The following PTPRO variants were observed in gnomAD, a reference collection of about 807,000 sequenced individuals.
PTPRO encodes the protein receptor-type tyrosine-protein phosphatase O.
PTPRO carries 62 observed loss-of-function variants against 145.2 expected under a neutral mutation model. The ratio of observed to expected loss-of-function variants is 0.43; its 90% confidence interval spans 0.35 to 0.53. The LOEUF (loss-of-function observed/expected upper bound fraction) is 0.53. Ranked by LOEUF, PTPRO falls within the 20% of genes least tolerant of loss-of-function variation. The pLI is 0.01. For synonymous variants in PTPRO, 565 were observed against 514.7 expected (o/e 1.10, Z -1.32); for missense variants, 1,345 against 1,482.7 (o/e 0.91, Z 1.53).
chr12:15,333,416 G>A (rs552857964), intron 1 of PTPRO, among the ~76,000 whole-genome samples: 2 of 152,336 alleles, frequency 1.3e-5, no homozygotes, highest in Non-Finnish European at 2.9e-5. Context: ...TTTGTCCATT[G>A]TGTTCACTGT....
intron 1 of PTPRO, among the ~76,000 whole-genome samples, chr12:15,456,744 T>G (rs1050738349): frequency 6.6e-6 from 1 of 152,196 alleles, no homozygotes; most frequent in East Asian, 1.9e-4. Context: ...TCCAATGTAC[T>G]GGTATATAAT....
intron 1 of PTPRO, among the ~76,000 whole-genome samples, chr12:15,385,811 C>CAAAAAAAA (rs761750012): frequency 2.2e-4 from 8 of 37,078 alleles, no homozygotes; most frequent in Non-Finnish European, 3.4e-4. Flanking sequence ...GACTCCATCT[C>CAAAAAAAA]AAAAAAAAAA....
At chr12:15,408,068 C>T (rs1939696123) in intron 1 of PTPRO, among the ~76,000 whole-genome samples, 1 of 152,056 alleles carries the variant, frequency 6.6e-6, no homozygotes, top group African/African-American at 2.4e-5. Flanking sequence ...GATTGAGATA[C>T]TATTGTTCTA....
At chr12:15,343,320 T>C (rs1867069708) in intron 1 of PTPRO, among the ~76,000 whole-genome samples, 1 of 152,122 alleles carries the variant, frequency 6.6e-6, no homozygotes, top group Admixed American at 6.6e-5. Flanking sequence ...TTATTGAAAG[T>C]CCTAATTATC....
Position 15,359,422 on chromosome 12 carries a change from C to CTTTTTTTTTT in PTPRO, c.75+36632_75+36641dup, listed in dbSNP as rs771782428. Among the ~76,000 whole-genome samples the CTTTTTTTTTT allele has an allele frequency of 5.3e-5, 6 of 112,512 alleles. 1 individual carries two copies. Among genetic ancestry groups the CTTTTTTTTTT allele is most frequent in the African/African-American group, 1.3e-4 (4 of 29,848 alleles). 73.8% of individuals were successfully genotyped at this position (112,512 alleles called of 152,430 possible). On this transcript the variant is annotated intron_variant, in intron 1 of 26. Coordinates refer to ENST00000281171, the MANE Select transcript of PTPRO (RefSeq NM_030667.3). ...ATTGGTCTACTTTTCTTTCTCTTTC[C>CTTTTTTTTTT]TTTTTTTTTTTTTTTTTTTTGAGAT...
At chr12:15,335,002 G>A (rs1401351422) in intron 1 of PTPRO, among the ~76,000 whole-genome samples, 1 of 152,010 alleles carries the variant, frequency 6.6e-6, no homozygotes, top group East Asian at 1.9e-4. Flanking sequence ...GATAAGCCAG[G>A]AATTTCCAAT....
intron 1 of PTPRO, among the ~76,000 whole-genome samples, chr12:15,480,088 T>TA (rs1941747481): frequency 6.6e-6 from 1 of 152,142 alleles, no homozygotes. Flanking sequence ...TGATTTTTTT[T>TA]AAAAAAGGCC....
intron 5 of PTPRO, 87 bp downstream of exon 5, chr12:15,502,150 G>A (rs1275231987): frequency 9.3e-6 from 12 of 1,285,772 alleles, no homozygotes; most frequent in Non-Finnish European, 1.3e-5. Flanking sequence ...TAGAAAGACT[G>A]ATCATAGACA....
intron 1 of PTPRO, among the ~76,000 whole-genome samples, chr12:15,357,840 G>C (rs1018610206): frequency 1.3e-5 from 2 of 149,042 alleles, no homozygotes; most frequent in Admixed American, 1.3e-4. Context: ...ATTCCTCAGG[G>C]ATCTAGAACT....
intron 1 of PTPRO, among the ~76,000 whole-genome samples, chr12:15,447,776 TA>T (rs1940939449): frequency 6.6e-6 from 1 of 152,028 alleles, no homozygotes; most frequent in Non-Finnish European, 1.5e-5. Flanking sequence ...AAAGGACAAT[TA>T]TAGGTACATT....
At chr12:15,453,367 C>G (rs1941095770) in intron 1 of PTPRO, among the ~76,000 whole-genome samples, 1 of 152,058 alleles carries the variant, frequency 6.6e-6, no homozygotes, top group Non-Finnish European at 1.5e-5. Context: ...GACATACTTC[C>G]TAATTGCCCG....
At chr12:15,553,972 A>C (rs1197042505) in intron 15 of PTPRO, among the ~76,000 whole-genome samples, 2 of 152,224 alleles carry the variant, frequency 1.3e-5, no homozygotes, top group African/African-American at 4.8e-5. Flanking sequence ...AGCCAGGTGG[A>C]TCACCTGAAG....
rs935683036 is a variant in PTPRO at position 15,494,538 on chromosome 12, T to C, written c.350-2707T>C. 2.0e-5 allele frequency among the ~76,000 whole-genome samples: 3 copies of C among 152,216 alleles called. No homozygotes were observed. In the East Asian group the frequency reaches 5.8e-4, roughly 29 times the overall value. ...CTTCTAAAAACAGTAATTCTTGAATTGAATACTCCTCAGTGATGCTTAGAC... is the reference window on the plus strand; with the variant it reads ...CTTCTAAAAACAGTAATTCTTGAATCGAATACTCCTCAGTGATGCTTAGAC... On this transcript the variant is annotated intron_variant, in intron 2 of 26. Transcript: ENST00000281171.
intron 1 of PTPRO, among the ~76,000 whole-genome samples, chr12:15,446,114 C>A (rs1044488542): frequency 6.6e-6 from 1 of 152,112 alleles, no homozygotes; most frequent in Non-Finnish European, 1.5e-5. Flanking sequence ...TAGCAGTGCA[C>A]TTTCTCAGCA....
At chr12:15,455,228 A>C (rs1312958396) in intron 1 of PTPRO, among the ~76,000 whole-genome samples, 1 of 152,084 alleles carries the variant, frequency 6.6e-6, no homozygotes, top group Admixed American at 6.6e-5. Flanking sequence ...TACCTGCTTA[A>C]CTGCTATCCA....
intron 1 of PTPRO, among the ~76,000 whole-genome samples, chr12:15,361,175 C>T (rs1420995556): frequency 1.3e-5 from 2 of 151,594 alleles, no homozygotes; most frequent in East Asian, 3.9e-4. Context: ...TGGTGGCTCA[C>T]GTCTGTAATC....
intron 20 of PTPRO, 55 bp from the exon 21 acceptor site, chr12:15,579,984 A>G (rs774034937): frequency 4.3e-5 from 62 of 1,433,952 alleles, no homozygotes; most frequent in Non-Finnish European, 5.7e-5. Context: ...AAGGGCCAAA[A>G]TAATTTTTCC....
At chr12:15,534,043 C>T (rs1369974252) in intron 12 of PTPRO, among the ~76,000 whole-genome samples, 2 of 152,084 alleles carry the variant, frequency 1.3e-5, no homozygotes. Context: ...ATTGTATCAT[C>T]AATAAACATC....
chr12:15,496,978 T>A (rs1284867036), intron 2 of PTPRO, among the ~76,000 whole-genome samples: 1 of 152,190 alleles, frequency 6.6e-6, no homozygotes, highest in African/African-American at 2.4e-5. Flanking sequence ...AGATATTTTA[T>A]TTGCTCTTCC....
Sources: allele counts gnomAD v4.1 joint callset (sites outside exome capture counted in the v4.1 genomes callset), GRCh38; gene constraint gnomAD v4.1.1; transcripts MANE v1.5; gene names NCBI Gene and HGNC (gene_info 2026-07-23, HGNC 2026-07-21).